ERI3: variants seen among roughly 807,000 people sequenced by gnomAD.
ERI3 encodes the protein ERI1 exoribonuclease 3.
A neutral mutation model predicts 44.4 loss-of-function variants in ERI3; 18 were observed. The observed-to-expected ratio is 0.41, with a 90% CI of 0.28 to 0.60. ERI3 has a LOEUF of 0.60. Ranked by LOEUF, ERI3 falls within the 20% of genes least tolerant of loss-of-function variation. ERI3 has a pLI of 0.36. For synonymous variants in ERI3, 183 were observed against 164.8 expected (o/e 1.11, Z -0.84); for missense variants, 294 against 435.5 (o/e 0.68, Z 2.89).
chr1:44,355,241 C>T lies in ERI3; in HGVS notation c.-215G>A, dbSNP rs962496907. On this transcript the variant is annotated 5_prime_UTR_variant, in exon 1 of 9. Transcript: ENST00000372257. ...AACAGCGGCAGCCAGCACCACGAGT[C>T]CACAACACACCGACTCACCTCCGCG... 14 of 1,176,878 alleles carry T rather than the reference C, an allele frequency of 1.2e-5. No individual in the cohort carries two copies. The highest frequency in any genetic ancestry group is 4.3e-5 in the South Asian group (1 of 23,084). 72.9% of individuals were successfully genotyped at this position (1,176,878 alleles called of 1,614,324 possible).
At chr1:44,313,283 G>T (rs1008953740) in intron 4 of ERI3, 55 bp from the exon 5 acceptor site, 2 of 1,512,762 alleles carry the variant, frequency 1.3e-6, no homozygotes, top group Non-Finnish European at 1.8e-6. Context: ...AGGGACTCAA[G>T]GCTGAACAGG....
At chr1:44,264,201 T>G (rs1644945367) in intron 7 of ERI3, among the ~76,000 whole-genome samples, 1 of 152,194 alleles carries the variant, frequency 6.6e-6, no homozygotes, top group African/African-American at 2.4e-5. Flanking sequence ...AATTCTAATT[T>G]CCTAATATGA....
rs536447992 is a variant in ERI3 at position 44,228,298 on chromosome 1, G to A, written c.932-6658C>T. On this transcript the variant is annotated intron_variant, in intron 8 of 8. Transcript: ENST00000372257. This position sits in a 1 kb window ranked among gnomAD's most constrained non-coding sequence, Gnocchi z 4.3. Reference sequence around the variant, plus strand: ...CCACAGGCTGATGGTGAAGGATGACGATGGTTCCACAATAAGGGGAAAAGG... The same window carrying A: ...CCACAGGCTGATGGTGAAGGATGACAATGGTTCCACAATAAGGGGAAAAGG... Among the ~76,000 whole-genome samples the A allele has an allele frequency of 4.6e-5, 7 of 152,254 alleles. No individual in the cohort carries two copies. The South Asian group carries it at 6.2e-4, about 14-fold the overall frequency.
In ERI3 at chr1:44,313,290, C is replaced by A. The variant is rs1290029586; in HGVS notation, c.607-62G>T. Reference sequence around the variant, plus strand: ...CAGGGTGAAGGGACTCAAGGCTGAACAGGACCCCTTCCTTTCTGTTTTTCT... The same window carrying A: ...CAGGGTGAAGGGACTCAAGGCTGAAAAGGACCCCTTCCTTTCTGTTTTTCT... On this transcript the variant is annotated intron_variant, in intron 4 of 8. Transcript: ENST00000372257. 2.0e-6 allele frequency: 3 copies of A among 1,482,400 alleles called. No individual in the cohort carries two copies. In the East Asian group the frequency reaches 6.8e-5, roughly 34 times the overall value. The allele number at this position is 1,482,400 out of a possible 1,614,324, so 91.8% of individuals were successfully genotyped here. A position where few individuals can be genotyped will look rare whatever the true frequency, so the allele number is the denominator to read the frequency against.
Position 44,238,441 on chromosome 1 carries a change from C to T in ERI3, c.931+9498G>A, listed in dbSNP as rs148400300. 2.1e-4 allele frequency among the ~76,000 whole-genome samples: 32 copies of T among 152,172 alleles called. 1 individual carries two copies. The highest frequency in any genetic ancestry group is 7.7e-4 in the African/African-American group (32 of 41,538). The stretch of plus-strand genomic sequence containing the variant: ...CGCCTAGCAGTGGGACGGGACAGGT[C>T]GGGGAGGGGCCTAAACCAATCACCG... On this transcript the variant is annotated intron_variant, in intron 8 of 8. Coordinates refer to ENST00000372257, the MANE Select transcript of ERI3 (RefSeq NM_024066.3).
chr1:44,223,814 C>T (rs1225313757), intron 8 of ERI3, among the ~76,000 whole-genome samples: 1 of 152,192 alleles, frequency 6.6e-6, no homozygotes, highest in Non-Finnish European at 1.5e-5. Flanking sequence ...TTGACCTCTC[C>T]CCACTCTACA....
At chr1:44,313,335 C>G (rs1251672443) in intron 4 of ERI3, 107 bp from the exon 5 acceptor site, 1 of 1,031,792 alleles carries the variant, frequency 9.7e-7, no homozygotes, top group Non-Finnish European at 1.5e-6. Flanking sequence ...GTAAAGGGCT[C>G]TGATCTGGCA....
Position 44,221,735 on chromosome 1 carries a change from G to C in ERI3, c.932-95C>G. 1 of 966,908 alleles carries C rather than the reference G, an allele frequency of 1.0e-6. No homozygotes were observed. The highest frequency in any genetic ancestry group is 1.6e-6 in the Non-Finnish European group (1 of 609,060). 59.9% of individuals were successfully genotyped at this position (966,908 alleles called of 1,614,324 possible). On this transcript the variant is annotated intron_variant, in intron 8 of 8. Transcript: ENST00000372257. This position sits in a 1 kb window ranked among gnomAD's most constrained non-coding sequence, Gnocchi z 5.9. ...AGGGTGGGGGTGGGAAGCAGGGTCA[G>C]ATTCAGGAGACACAGGCTTTAGAGA...
Position 44,262,209 on chromosome 1 carries a change from T to G in ERI3, c.832-14171A>C, listed in dbSNP as rs767351913. Reference sequence around the variant, plus strand: ...TGGGCCCAGCCCCACCCTAACCAACTGATCTCTGACACTTGTCCTCTCTGC... The same window carrying G: ...TGGGCCCAGCCCCACCCTAACCAACGGATCTCTGACACTTGTCCTCTCTGC... On this transcript the variant is annotated intron_variant, in intron 7 of 8. Coordinates refer to ENST00000372257, the MANE Select transcript of ERI3 (RefSeq NM_024066.3). Among the ~76,000 whole-genome samples, 3 of 152,186 alleles carry G rather than the reference T, an allele frequency of 2.0e-5. No individual in the cohort carries two copies. In the East Asian group the frequency reaches 5.8e-4, roughly 29 times the overall value.
chr1:44,230,086 G>C (rs530131970), intron 8 of ERI3, among the ~76,000 whole-genome samples: 1 of 152,100 alleles, frequency 6.6e-6, no homozygotes, highest in Non-Finnish European at 1.5e-5. Context: ...GATAAATCCT[G>C]AGCCTCGTCC....
intron 3 of ERI3, among the ~76,000 whole-genome samples, chr1:44,324,540 G>A (rs1041193227): frequency 2.0e-4 from 27 of 136,058 alleles, no homozygotes; most frequent in African/African-American, 7.3e-4. Context: ...GGGTTGCAGT[G>A]GCGAGATCTT....
intron 3 of ERI3, among the ~76,000 whole-genome samples, chr1:44,333,343 A>G (rs568187556): frequency 6.6e-6 from 1 of 152,338 alleles, no homozygotes; most frequent in South Asian, 2.1e-4. Flanking sequence ...CTGTCTGTAC[A>G]GAAAAAAGTA....
intron 8 of ERI3, among the ~76,000 whole-genome samples, chr1:44,240,023 C>T (rs778642394): frequency 2.0e-5 from 3 of 152,254 alleles, no homozygotes; most frequent in Non-Finnish European, 4.4e-5. Flanking sequence ...CTCCCAGCTC[C>T]CAGCCCTGCC....
chr1:44,271,056 C>T (rs78732866), intron 7 of ERI3, among the ~76,000 whole-genome samples: 1,852 of 152,322 alleles, frequency 0.012, 70 homozygotes, highest in East Asian at 0.069. Flanking sequence ...CCACTTCCCT[C>T]CCTGCTATCC....
At chr1:44,351,105 C>T (rs1244276542) in intron 2 of ERI3, among the ~76,000 whole-genome samples, 1 of 151,728 alleles carries the variant, frequency 6.6e-6, no homozygotes, top group Non-Finnish European at 1.5e-5. Context: ...GCCATCTCAG[C>T]TCACTGCAAC....
chr1:44,257,007 G>A (rs1369750852), intron 7 of ERI3: 4 of 152,156 alleles, frequency 2.6e-5, no homozygotes, highest in African/African-American at 7.2e-5. Flanking sequence ...GCTGCCCAGG[G>A]TGAGAGCTAC....
At chr1:44,234,039 CA>C (rs1258313230) in intron 8 of ERI3, among the ~76,000 whole-genome samples, 1 of 152,148 alleles carries the variant, frequency 6.6e-6, no homozygotes, top group Non-Finnish European at 1.5e-5. Flanking sequence ...ACTTTTCATG[CA>C]ATTCTCCTTG....
At chr1:44,223,766 T>A (rs1367678676) in intron 8 of ERI3, among the ~76,000 whole-genome samples, 1 of 152,216 alleles carries the variant, frequency 6.6e-6, no homozygotes, top group Non-Finnish European at 1.5e-5. Flanking sequence ...TGCCTGGCCC[T>A]GTGCTGGGAG....
rs768442264 is a variant in ERI3 at position 44,322,311 on chromosome 1, T to C, written c.490-2567A>G. ...GTTAGCTTCCTCACCCATAGGGAAA[T>C]GGGGCCAACTACGTGCTGAAACTCA... On this transcript the variant is annotated intron_variant, in intron 3 of 8. Coordinates refer to ENST00000372257, the MANE Select transcript of ERI3 (RefSeq NM_024066.3). Among the ~76,000 whole-genome samples, 5 of 149,470 alleles carry C rather than the reference T, an allele frequency of 3.3e-5. 1 individual carries two copies. The South Asian group carries it at 8.7e-4, about 26-fold the overall frequency.
Sources: gnomAD v4.1 joint callset for allele counts (sites outside exome capture counted in the v4.1 genomes callset) on GRCh38, gnomAD v4.1.1 for gene constraint, Gnocchi (gnomAD v3.1) non-coding constraint, MANE v1.5 for transcripts, NCBI Gene and HGNC (gene_info 2026-07-23, HGNC 2026-07-21) for gene names.